SLC2A13: variants seen among roughly 807,000 people sequenced by gnomAD.
The protein encoded by SLC2A13 is proton myo-inositol cotransporter.
In SLC2A13, 32 loss-of-function variants were observed where a neutral mutation model predicts 64.4. The ratio of observed to expected loss-of-function variants is 0.50; its 90% CI spans 0.37 to 0.67. The LOEUF (loss-of-function observed/expected upper bound fraction) is 0.67. Ranked by LOEUF, SLC2A13 falls within the 30% of genes least tolerant of loss-of-function variation. The pLI, the probability that SLC2A13 is intolerant of heterozygous loss-of-function variation, is 0.00. For synonymous variants in SLC2A13, 338 were observed against 327.1 expected (o/e 1.03, Z -0.36); for missense variants, 743 against 829.2 (o/e 0.90, Z 1.28).
intron 7 of SLC2A13, among the ~76,000 whole-genome samples, chr12:39,795,102 T>C (rs1374890514): frequency 2.0e-5 from 3 of 152,168 alleles, no homozygotes; most frequent in African/African-American, 4.8e-5. Context: ...ATTTAAATAT[T>C]GCCTCTTCCC....
chr12:39,799,903 G>C (rs1054431804), intron 7 of SLC2A13, among the ~76,000 whole-genome samples: 5 of 152,172 alleles, frequency 3.3e-5, no homozygotes, highest in African/African-American at 1.2e-4. Flanking sequence ...ATTTACAACA[G>C]AATAATGTGT....
intron 6 of SLC2A13, among the ~76,000 whole-genome samples, chr12:39,855,544 T>A (rs951412101): frequency 6.6e-6 from 1 of 152,222 alleles, no homozygotes; most frequent in African/African-American, 2.4e-5. Context: ...TTCTCCCTCA[T>A]AGCTGTGAGC....
Position 40,092,175 on chromosome 12 carries a change from T to A in SLC2A13, c.556+13078A>T, listed in dbSNP as rs17489597. 3.8e-3 allele frequency among the ~76,000 whole-genome samples: 586 copies of A among 152,312 alleles called. 4 individuals carry two copies. Among genetic ancestry groups the A allele is most frequent in the African/African-American group, 0.014 (569 of 41,568 alleles). ...AGTATAGAGGGTTTATGGGGTAAGA[T>A]TAAAAACTAGAACAGTAAACCAGGA... is the stretch of plus-strand genomic sequence containing the variant. On this transcript the variant is annotated intron_variant, in intron 1 of 9. Coordinates refer to ENST00000280871, the MANE Select transcript of SLC2A13 (RefSeq NM_052885.4).
intron 4 of SLC2A13, chr12:39,949,786 C>T (rs2136099198): frequency 6.6e-6 from 1 of 152,320 alleles, no homozygotes; most frequent in East Asian, 1.9e-4. Flanking sequence ...GGTTGGTCAA[C>T]TAACGAATTC....
At chr12:39,950,430 T>C (rs996016025) in intron 4 of SLC2A13, 22 of 152,326 alleles carry the variant, frequency 1.4e-4, no homozygotes, top group African/African-American at 5.3e-4. Flanking sequence ...TTCTCTAAAC[T>C]GTATTTTATG....
At chr12:39,812,199 A>G (rs1430191692) in intron 7 of SLC2A13, among the ~76,000 whole-genome samples, 3 of 152,108 alleles carry the variant, frequency 2.0e-5, no homozygotes, top group Middle Eastern at 3.4e-3. Context: ...GTGCCCTCAC[A>G]TGGTAGAATG....
chr12:40,085,698 T>G (rs1175110789), intron 1 of SLC2A13, among the ~76,000 whole-genome samples: 2 of 152,206 alleles, frequency 1.3e-5, no homozygotes, highest in African/African-American at 4.8e-5. Flanking sequence ...TTTTCTTTCT[T>G]ATCTGGCCAA....
At chr12:39,825,253 A>T (rs888670955) in intron 7 of SLC2A13, among the ~76,000 whole-genome samples, 22 of 152,146 alleles carry the variant, frequency 1.4e-4, no homozygotes, top group African/African-American at 5.3e-4. Context: ...AGATTATTTA[A>T]GGTTTTGTAT....
intron 4 of SLC2A13, among the ~76,000 whole-genome samples, chr12:39,887,958 T>G (rs1944510311): frequency 6.6e-6 from 1 of 152,216 alleles, no homozygotes; most frequent in Admixed American, 6.5e-5. Context: ...AGAGTCAGTT[T>G]GCCCCTGCTT....
intron 6 of SLC2A13, among the ~76,000 whole-genome samples, chr12:39,835,286 A>G: frequency 6.6e-6 from 1 of 151,548 alleles, no homozygotes; most frequent in East Asian, 1.9e-4. Flanking sequence ...ATTGTACATG[A>G]AAGAAAAAGA....
At chr12:39,880,407 C>A (rs760939025) in intron 4 of SLC2A13, among the ~76,000 whole-genome samples, 1 of 151,954 alleles carries the variant, frequency 6.6e-6, no homozygotes, top group Non-Finnish European at 1.5e-5. Flanking sequence ...CTGAGAAATC[C>A]TCTTTGTACA....
chr12:39,991,989 T>C (rs1449229549), intron 3 of SLC2A13, among the ~76,000 whole-genome samples: 1 of 152,168 alleles, frequency 6.6e-6, no homozygotes, highest in Non-Finnish European at 1.5e-5. Flanking sequence ...CTCAGTAAGA[T>C]GCATGCTACC....
At chr12:39,895,122 G>A in intron 4 of SLC2A13, among the ~76,000 whole-genome samples, 1 of 152,040 alleles carries the variant, frequency 6.6e-6, no homozygotes, top group South Asian at 2.1e-4. Context: ...TCCCACCTCA[G>A]CCTCCCAAGT....
intron 6 of SLC2A13, among the ~76,000 whole-genome samples, chr12:39,862,089 A>G (rs1943778145): frequency 6.6e-6 from 1 of 152,122 alleles, no homozygotes; most frequent in Non-Finnish European, 1.5e-5. Flanking sequence ...TTGTGTCCCT[A>G]TGTTCTCATT....
chr12:39,958,982 C>T (rs943578107), intron 3 of SLC2A13, among the ~76,000 whole-genome samples: 2 of 151,658 alleles, frequency 1.3e-5, no homozygotes, highest in Non-Finnish European at 2.9e-5. Flanking sequence ...GTGCTTAGTT[C>T]AGGATCATGT....
chr12:40,046,614 C>T (rs144280734), intron 2 of SLC2A13, among the ~76,000 whole-genome samples: 29 of 151,806 alleles, frequency 1.9e-4, no homozygotes, highest in African/African-American at 6.8e-4. Context: ...CGTCTTTCCT[C>T]TTTCTCTTCA....
chr12:39,938,530 G>A (rs1367406484), intron 4 of SLC2A13, among the ~76,000 whole-genome samples: 1 of 151,678 alleles, frequency 6.6e-6, no homozygotes, highest in Non-Finnish European at 1.5e-5. Context: ...CATTAATGAT[G>A]TATTTTTCAG....
intron 7 of SLC2A13, among the ~76,000 whole-genome samples, chr12:39,774,166 C>T (rs1016431467): frequency 6.6e-6 from 1 of 152,106 alleles, no homozygotes; most frequent in Admixed American, 6.6e-5. Flanking sequence ...TGAAAACGTA[C>T]CTAGGAAAGC....
chr12:39,784,979 G>C (rs1941133147), intron 7 of SLC2A13, among the ~76,000 whole-genome samples: 1 of 152,204 alleles, frequency 6.6e-6, no homozygotes, highest in African/African-American at 2.4e-5. Context: ...AAAGCACTCT[G>C]TTTTAAAAGG....
Sources: gnomAD v4.1 joint callset for allele counts (sites outside exome capture counted in the v4.1 genomes callset) on GRCh38, gnomAD v4.1.1 for gene constraint, MANE v1.5 for transcripts, NCBI Gene and HGNC (gene_info 2026-07-23, HGNC 2026-07-21) for gene names.